The following IFT74 variants were observed in gnomAD, a reference collection of about 807,000 sequenced individuals.
The protein encoded by IFT74 is intraflagellar transport protein 74 homolog.
In IFT74, 92 loss-of-function variants were observed where a neutral mutation model predicts 96.7. The ratio of observed to expected loss-of-function variants is 0.95; its 90% CI spans 0.80 to 1.13. The LOEUF (loss-of-function observed/expected upper bound fraction) is 1.13, where lower values mean the gene tolerates loss of function less well. IFT74 is among the 50% of genes most tolerant of loss of function. The probability of loss-of-function intolerance (pLI) is 0.00; values close to 1 mark genes in which losing one functional copy is unlikely to be tolerated. For missense variants in IFT74, 811 were observed against 698.2 expected, an observed-to-expected ratio of 1.16 and a Z score of -1.82; for synonymous variants, 223 against 213.2, an observed-to-expected ratio of 1.05 and a Z score of -0.40.
At chr9:27,040,605 G>A (rs919718014) in intron 13 of IFT74, among the ~76,000 whole-genome samples, 2 of 148,876 alleles carry the variant, frequency 1.3e-5, no homozygotes, top group African/African-American at 2.5e-5. Flanking sequence ...TGCTTCAGAA[G>A]TATTCCAAGT....
intron 4 of IFT74, among the ~76,000 whole-genome samples, chr9:26,981,640 G>A (rs1827379943): frequency 1.3e-5 from 2 of 151,934 alleles, no homozygotes; most frequent in South Asian, 2.1e-4. Context: ...GGCTTGTCTC[G>A]AACTCCTGAC....
chr9:26,984,387 A>G (rs1173071279), intron 5 of IFT74, 32 bp downstream of exon 5: 4 of 1,579,336 alleles, frequency 2.5e-6, no homozygotes, highest in South Asian at 1.2e-5. Flanking sequence ...TTCATTCAGT[A>G]TTTTGTGCTT....
intron 12 of IFT74, 115 bp from the exon 13 acceptor site, chr9:27,028,908 CAT>C: frequency 2.3e-6 from 2 of 860,254 alleles, no homozygotes; most frequent in South Asian, 3.6e-5. Flanking sequence ...TAGAATAAGA[CAT>C]ATTATTTTTA....
At chr9:26,984,937 C>T (rs371719063) in intron 6 of IFT74, among the ~76,000 whole-genome samples, 2 of 152,080 alleles carry the variant, frequency 1.3e-5, no homozygotes, top group Admixed American at 1.3e-4. Context: ...CCATTCAGCC[C>T]GTCAATCCCA....
At chr9:26,995,276 ACTG>A (rs1828081853) in intron 8 of IFT74, 1 of 327,386 alleles carries the variant, frequency 3.1e-6, no homozygotes, top group South Asian at 6.0e-5. Context: ...TCACCCAAGC[ACTG>A]CTAAGAATAG....
intron 2 of IFT74, among the ~76,000 whole-genome samples, chr9:26,964,781 C>CAATGAGTG (rs1239227076): frequency 8.6e-5 from 13 of 152,032 alleles, no homozygotes; most frequent in Admixed American, 6.6e-4. Context: ...AAGTACAGTA[C>CAATGAGTG]TCTAATGTAA....
At chr9:26,987,573 A>G (rs1031863071) in intron 6 of IFT74, among the ~76,000 whole-genome samples, 2 of 152,240 alleles carry the variant, frequency 1.3e-5, no homozygotes, top group African/African-American at 4.8e-5. Context: ...TTAGCACTCA[A>G]TAAATGTTAG....
At chr9:26,990,601 A>ATAGT (rs1253382074) in intron 8 of IFT74, among the ~76,000 whole-genome samples, 3 of 152,196 alleles carry the variant, frequency 2.0e-5, no homozygotes, top group Non-Finnish European at 4.4e-5. Flanking sequence ...TTGATATTTA[A>ATAGT]TAGTTATATT....
At chr9:27,028,223 A>G (rs1164636483) in intron 12 of IFT74, among the ~76,000 whole-genome samples, 1 of 152,146 alleles carries the variant, frequency 6.6e-6, no homozygotes. Flanking sequence ...TAACTGCTTT[A>G]TGTTAAAATA....
intron 3 of IFT74, among the ~76,000 whole-genome samples, chr9:26,979,954 A>T (rs1026751350): frequency 2.0e-5 from 3 of 151,920 alleles, no homozygotes; most frequent in Admixed American, 2.0e-4. Flanking sequence ...ACCTCAAGGG[A>T]TCCTCCCACC....
At chr9:26,960,521 T>A (rs537981274) in intron 1 of IFT74, among the ~76,000 whole-genome samples, 1 of 152,244 alleles carries the variant, frequency 6.6e-6, no homozygotes, top group South Asian at 2.1e-4. Flanking sequence ...TTTAAGTATC[T>A]TGGTCATAAC....
chr9:27,056,576 G>C (rs1381680375), intron 18 of IFT74, 117 bp downstream of exon 18: 3 of 800,286 alleles, frequency 3.7e-6, no homozygotes, highest in Non-Finnish European at 5.8e-6. Context: ...TGACTTTTAA[G>C]ACAGCCAGAT....
intron 8 of IFT74, among the ~76,000 whole-genome samples, chr9:27,006,938 G>A (rs965677074): frequency 3.4e-5 from 5 of 145,366 alleles, no homozygotes; most frequent in Non-Finnish European, 6.0e-5. Flanking sequence ...CCGGGTTGAC[G>A]CCATTCTCCT....
At chr9:27,043,837 G>A (rs746835860) in intron 13 of IFT74, among the ~76,000 whole-genome samples, 8 of 152,118 alleles carry the variant, frequency 5.3e-5, no homozygotes, top group South Asian at 4.2e-4. Flanking sequence ...AATTACCACC[G>A]CTCTACTCAA....
intron 11 of IFT74, 81 bp from the exon 12 acceptor site, chr9:27,018,566 A>T (rs1339773869): frequency 2.9e-6 from 2 of 696,132 alleles, no homozygotes; most frequent in Non-Finnish European, 4.8e-6. Flanking sequence ...GTACAATTGT[A>T]CTCTAGAAGG....
chr9:27,042,529 T>C (rs1007672411), intron 13 of IFT74, among the ~76,000 whole-genome samples: 2 of 152,194 alleles, frequency 1.3e-5, no homozygotes, highest in African/African-American at 4.8e-5. Context: ...ATAATCTCAC[T>C]GAGAACAATT....
chr9:27,019,304 C>G (rs537051304), intron 12 of IFT74, among the ~76,000 whole-genome samples: 5 of 151,976 alleles, frequency 3.3e-5, no homozygotes, highest in Non-Finnish European at 7.4e-5. Context: ...AACCCTGCAC[C>G]CTTTAACCAT....
intron 2 of IFT74, among the ~76,000 whole-genome samples, chr9:26,966,028 G>GTA (rs1311514174): frequency 2.0e-5 from 3 of 151,896 alleles, no homozygotes; most frequent in Non-Finnish European, 4.4e-5. Context: ...ATGTGTGTGT[G>GTA]TATATATATG....
In IFT74 at chr9:26,962,050, T is replaced by C; in HGVS notation, c.83T>C (p.Ile28Thr). Residue 28 changes from isoleucine to threonine, a missense_variant, in exon 2 of 20, where the codon ATA (isoleucine) becomes ACA (threonine). By Grantham distance (89) the Ile-to-Thr change is moderately conservative. Coordinates refer to ENST00000380062, the MANE Select transcript of IFT74 (RefSeq NM_025103.4). ...TTAACAGGAAGGCCTCCTTCTGGGA[T>C]ACGACCCCTATCAGGAAATATTCGA... Reference protein sequence around the residue: ...VGLTGRPPSGIRPLSGNIRVA... With the variant: ...VGLTGRPPSGTRPLSGNIRVA... The C allele has an allele frequency of 6.2e-7, 1 of 1,614,212 alleles. No individual in the cohort carries two copies. The highest frequency in any genetic ancestry group is 1.1e-5 in the South Asian group (1 of 91,086).
Sources: allele counts gnomAD v4.1 joint callset (sites outside exome capture counted in the v4.1 genomes callset), GRCh38; gene constraint gnomAD v4.1.1; transcripts MANE v1.5; gene names NCBI Gene and HGNC (gene_info 2026-07-23, HGNC 2026-07-21).